Variants in SLIT2 observed in about 807,000 individuals in gnomAD.
SLIT2 encodes the protein slit guidance ligand 2.
Under a neutral mutation model 185.7 loss-of-function variants are expected in SLIT2, and 41 were observed. That is an observed-to-expected ratio of 0.22 (90% CI 0.17 to 0.29). The LOEUF is 0.29. SLIT2 is among the 10% of genes least tolerant of loss of function. The pLI, the probability that SLIT2 is intolerant of heterozygous loss-of-function variation, is 1.00. For missense variants in SLIT2, 1,571 were observed against 1,909.0 expected (o/e 0.82, Z 3.30); for synonymous variants, 693 against 680.2 (o/e 1.02, Z -0.29).
At chr4:20,599,294 T>C (rs951552662) in intron 33 of SLIT2, among the ~76,000 whole-genome samples, 3 of 152,166 alleles carry the variant, frequency 2.0e-5, no homozygotes, top group Non-Finnish European at 4.4e-5. Context: ...AGCCCCTCTG[T>C]TGGAACCCAA....
chr4:20,372,452 G>T (rs1431372767), intron 4 of SLIT2, among the ~76,000 whole-genome samples: 1 of 151,760 alleles, frequency 6.6e-6, no homozygotes, highest in Non-Finnish European at 1.5e-5. Context: ...CCTGTTTTCT[G>T]ACTTTTTATT....
chr4:20,548,517 T>A lies in SLIT2; in HGVS notation c.2375T>A (p.Leu792His). ...IDLSNNRIST[L>H]SNQSFSNMTQ... The stretch of plus-strand genomic sequence containing the variant: ...TTAAGTAACAACAGAATAAGCACGC[T>A]TTCTAATCAGAGCTTCAGCAACATG... The change falls in exon 23 of 37, where the codon CTT becomes CAT. Residue 792 changes from leucine (L) to histidine (H), a missense_variant. This residue lies in a region of SLIT2 where 1,202 missense variants were observed against 1,416.4 expected (regional missense o/e 0.85). Transcript: ENST00000504154. 4 of 1,607,138 alleles carry A rather than the reference T, an allele frequency of 2.5e-6. No homozygotes were observed. Among genetic ancestry groups the A allele is most frequent in the Non-Finnish European group, 3.4e-6 (4 of 1,173,862 alleles).
In SLIT2 at chr4:20,608,121, G is replaced by A. The variant is rs193010070; in HGVS notation, c.3693-1892G>A. 2.8e-3 allele frequency among the ~76,000 whole-genome samples: 425 copies of A among 152,184 alleles called. 4 individuals carry two copies. Among genetic ancestry groups the A allele is most frequent in the African/African-American group, 9.9e-3 (410 of 41,550 alleles). On this transcript the variant is annotated intron_variant, in intron 33 of 36. Transcript: ENST00000504154. ...TTGGGTGGGGGACCGATATGATAGT[G>A]ATGGTGATACTAATATCTAACATTA...
At chr4:20,474,251 C>T (rs2148765912) in intron 5 of SLIT2, among the ~76,000 whole-genome samples, 1 of 152,048 alleles carries the variant, frequency 6.6e-6, no homozygotes, top group South Asian at 2.1e-4. Flanking sequence ...GGGGTTGTCT[C>T]AGGCATTCAT....
In SLIT2 at chr4:20,519,535, T is replaced by G. The variant is rs534909054; in HGVS notation, c.1130+82T>G. The G allele has an allele frequency of 1.0e-5, 8 of 781,816 alleles. No homozygotes were observed. The South Asian group carries it at 1.3e-4, about 13-fold the overall frequency. The allele number at this position is 781,816 out of a possible 1,614,324, so 48.4% of individuals were successfully genotyped here. A position where few individuals can be genotyped will look rare whatever the true frequency, so the allele number is the denominator to read the frequency against. Reference sequence around the variant, plus strand: ...GTTGTCTCATATTTTTATGGAGGCCTTGGAAAAATTTGACTCAAAATGATA... The same window carrying G: ...GTTGTCTCATATTTTTATGGAGGCCGTGGAAAAATTTGACTCAAAATGATA... On this transcript the variant is annotated intron_variant, in intron 12 of 36. Coordinates refer to ENST00000504154, the MANE Select transcript of SLIT2 (RefSeq NM_004787.4).
chr4:20,324,326 T>C (rs1284946371), intron 4 of SLIT2, among the ~76,000 whole-genome samples: 3 of 151,936 alleles, frequency 2.0e-5, no homozygotes, highest in African/African-American at 7.3e-5. Context: ...GAGGTGCTGA[T>C]GTTGTATTGG....
At chr4:20,301,963 G>C (rs1717089536) in intron 4 of SLIT2, among the ~76,000 whole-genome samples, 1 of 152,126 alleles carries the variant, frequency 6.6e-6, no homozygotes, top group Admixed American at 6.6e-5. Context: ...TTGCCTTGTA[G>C]TTTATAAGGA....
chr4:20,444,261 A>T (rs2148705078), intron 4 of SLIT2, among the ~76,000 whole-genome samples: 1 of 152,326 alleles, frequency 6.6e-6, no homozygotes, highest in Middle Eastern at 3.4e-3. Context: ...ATTGTGGCAA[A>T]TGGAAACGGA....
chr4:20,403,762 T>C (rs974499247), intron 4 of SLIT2, among the ~76,000 whole-genome samples: 1 of 151,958 alleles, frequency 6.6e-6, no homozygotes, highest in Non-Finnish European at 1.5e-5. Context: ...CAGAGACTTG[T>C]CATAGTCAGG....
chr4:20,559,415 G>T (rs1476742333), intron 26 of SLIT2, among the ~76,000 whole-genome samples: 2 of 151,840 alleles, frequency 1.3e-5, no homozygotes, highest in Non-Finnish European at 2.9e-5. Context: ...AGAGTGATAG[G>T]CACTGAAACT....
intron 19 of SLIT2, among the ~76,000 whole-genome samples, chr4:20,539,974 C>A (rs2148875313): frequency 6.6e-6 from 1 of 152,082 alleles, no homozygotes; most frequent in African/African-American, 2.4e-5. Context: ...AGAGTTATTG[C>A]CAACAAACTT....
intron 4 of SLIT2, among the ~76,000 whole-genome samples, chr4:20,340,166 G>T (rs566928462): frequency 8.4e-4 from 128 of 152,264 alleles, no homozygotes; most frequent in African/African-American, 2.9e-3. Context: ...TTTGATACAG[G>T]CATGAAATGT....
At chr4:20,603,234 C>T (rs576066786) in intron 33 of SLIT2, among the ~76,000 whole-genome samples, 1 of 152,186 alleles carries the variant, frequency 6.6e-6, no homozygotes, top group Non-Finnish European at 1.5e-5. Flanking sequence ...GTAAAACCAT[C>T]ACATCTCGTG....
chr4:20,433,856 A>G (rs555419613), intron 4 of SLIT2, among the ~76,000 whole-genome samples: 6 of 152,284 alleles, frequency 3.9e-5, no homozygotes, highest in African/African-American at 1.4e-4. Context: ...TGTGAGTGAT[A>G]CATACGTTTA....
intron 4 of SLIT2, among the ~76,000 whole-genome samples, chr4:20,438,890 T>C (rs1437473618): frequency 1.3e-5 from 2 of 152,338 alleles, no homozygotes; most frequent in East Asian, 3.9e-4. Flanking sequence ...CAAGTCTATA[T>C]AAAATTATAT....
chr4:20,483,436 A>G (rs981796325), intron 6 of SLIT2, among the ~76,000 whole-genome samples: 4 of 152,066 alleles, frequency 2.6e-5, no homozygotes, highest in East Asian at 1.9e-4. Flanking sequence ...TAATATTTAG[A>G]TACCATCTCA....
chr4:20,541,769 C>A lies in SLIT2; in HGVS notation c.2143+150C>A, dbSNP rs1722817287. 5.0e-5 allele frequency: 33 copies of A among 653,718 alleles called. No homozygotes were observed. In the South Asian group the frequency reaches 6.7e-4, roughly 13 times the overall value. 40.5% of individuals were successfully genotyped at this position (653,718 alleles called of 1,614,324 possible). On this transcript the variant is annotated intron_variant, in intron 20 of 36. Coordinates refer to ENST00000504154, the MANE Select transcript of SLIT2 (RefSeq NM_004787.4). ...TTTGGGTTTTGTTTTAGTGCCAGGA[C>A]ACTTACTTTCTTAGACTTGCCTTCC...
intron 26 of SLIT2, among the ~76,000 whole-genome samples, chr4:20,561,504 A>G (rs746626588): frequency 6.6e-6 from 1 of 151,784 alleles, no homozygotes. Flanking sequence ...TGAATTAAGC[A>G]TGAAGGTGAT....
intron 26 of SLIT2, among the ~76,000 whole-genome samples, chr4:20,557,575 C>G (rs542226775): frequency 6.6e-6 from 1 of 151,994 alleles, no homozygotes; most frequent in African/African-American, 2.4e-5. Flanking sequence ...CACCTAGTCA[C>G]CCAAGAGCTC....
Sources: allele counts gnomAD v4.1 joint callset (sites outside exome capture counted in the v4.1 genomes callset), GRCh38; gene constraint gnomAD v4.1.1; regional missense constraint gnomAD v4.1.1; transcripts MANE v1.5; gene names NCBI Gene and HGNC (gene_info 2026-07-23, HGNC 2026-07-21).